MYLIP: variants seen among roughly 807,000 people sequenced by gnomAD.
MYLIP encodes E3 ubiquitin-protein ligase MYLIP.
Under a neutral mutation model 45.8 loss-of-function variants are expected in MYLIP, and 26 were observed. The observed-to-expected ratio is 0.57, with a 90% CI of 0.42 to 0.79. The LOEUF (loss-of-function observed/expected upper bound fraction) is 0.79, where lower values mean the gene tolerates loss of function less well. MYLIP is among the 30% of genes least tolerant of loss of function. The pLI, the probability that MYLIP is intolerant of heterozygous loss-of-function variation, is 0.00. For missense variants in MYLIP, 494 were observed against 555.6 expected, an observed-to-expected ratio of 0.89 and a Z score of 1.11; for synonymous variants, 213 against 218.1, an observed-to-expected ratio of 0.98 and a Z score of 0.21.
the MYLIP span, among the ~76,000 whole-genome samples, chr6:16,160,401 C>G: frequency 6.6e-6 from 1 of 151,904 alleles, no homozygotes; most frequent in African/African-American, 2.4e-5. Context: ...ACCTTCCCAG[C>G]CTCATAGGGA....
chr6:16,146,605 A>T, intron 6 of MYLIP, 57 bp from the exon 7 acceptor site: 1 of 1,408,304 alleles, frequency 7.1e-7, no homozygotes. Flanking sequence ...GCACAGAGAC[A>T]CAGGCCCCCC....
At chr6:16,152,312 C>T (rs12665308), downstream of MYLIP, among the ~76,000 whole-genome samples, 28,277 of 152,170 alleles carry the variant, frequency 0.19, 2,808 homozygotes, top group South Asian at 0.28. Context: ...ATTAATTCAG[C>T]AAGTGCACAT....
intron 3 of MYLIP, 147 bp from the exon 4 acceptor site, chr6:16,142,873 C>CT: frequency 1.2e-6 from 1 of 827,202 alleles, no homozygotes; most frequent in South Asian, 1.8e-5. Context: ...AGTAAGTTCG[C>CT]TAAATACATG....
the MYLIP span, among the ~76,000 whole-genome samples, chr6:16,154,357 C>T: frequency 8.0e-4 from 122 of 152,240 alleles, no homozygotes; most frequent in Non-Finnish European, 1.5e-3. Flanking sequence ...AGTCCCTGAG[C>T]GGGTGGTTCT....
the MYLIP span, among the ~76,000 whole-genome samples, chr6:16,153,886 A>T: frequency 5.9e-5 from 9 of 152,208 alleles, 1 homozygote; most frequent in Admixed American, 4.6e-4. Context: ...TTTAGATATT[A>T]TATAGGCTCT....
At chr6:16,132,904 A>AT (rs991425832) in intron 2 of MYLIP, among the ~76,000 whole-genome samples, 16 of 152,202 alleles carry the variant, frequency 1.1e-4, no homozygotes, top group Non-Finnish European at 1.6e-4. Flanking sequence ...ATGAAAGGTG[A>AT]TTTTTTTATT....
intron 2 of MYLIP, among the ~76,000 whole-genome samples, chr6:16,136,204 T>A (rs1164894522): frequency 6.6e-6 from 1 of 152,174 alleles, no homozygotes; most frequent in African/African-American, 2.4e-5. Flanking sequence ...GAAAGTTCCC[T>A]GAAGCCCTTC....
chr6:16,132,362 A>G (rs887995859), intron 2 of MYLIP, among the ~76,000 whole-genome samples: 6 of 152,208 alleles, frequency 3.9e-5, no homozygotes, highest in African/African-American at 1.4e-4. Flanking sequence ...GAGACATTTT[A>G]TGAATTAGAA....
At chr6:16,143,949 G>A in intron 5 of MYLIP, 86 bp downstream of exon 5, 1 of 1,454,956 alleles carries the variant, frequency 6.9e-7, no homozygotes. Flanking sequence ...TCCTTGGATT[G>A]TTGTGTCAAT....
downstream of MYLIP, among the ~76,000 whole-genome samples, chr6:16,152,446 G>A (rs536783212): frequency 3.6e-4 from 55 of 152,278 alleles, no homozygotes; most frequent in African/African-American, 1.1e-3. Context: ...GTCACAATGC[G>A]GGTAGGTGAC....
chr6:16,161,770 C>T, the MYLIP span, among the ~76,000 whole-genome samples: 3 of 152,100 alleles, frequency 2.0e-5, no homozygotes, highest in African/African-American at 7.2e-5. Flanking sequence ...CTTATATTAT[C>T]CGTACAATTT....
chr6:16,137,677 T>A (rs1170414337), intron 2 of MYLIP, among the ~76,000 whole-genome samples: 3 of 152,140 alleles, frequency 2.0e-5, no homozygotes. Flanking sequence ...TCCTAGATAA[T>A]TGCTTTATGA....
At chr6:16,156,073 C>T in the MYLIP span, among the ~76,000 whole-genome samples, 15 of 152,194 alleles carry the variant, frequency 9.9e-5, no homozygotes, top group Admixed American at 9.8e-4. Context: ...CAAGCCGTCC[C>T]TCTGAAGTCA....
downstream of MYLIP, among the ~76,000 whole-genome samples, chr6:16,148,737 C>T (rs1190749021): frequency 1.1e-4 from 16 of 152,206 alleles, 1 homozygote; most frequent in African/African-American, 3.9e-4. Flanking sequence ...GCAGTAAGGG[C>T]CTCGGGCTAC....
chr6:16,157,440 T>C, the MYLIP span, among the ~76,000 whole-genome samples: 1 of 152,266 alleles, frequency 6.6e-6, no homozygotes, highest in Non-Finnish European at 1.5e-5. Flanking sequence ...ATGTATTTTT[T>C]ATTGTCTGTC....
rs1451040232 is a variant in MYLIP at position 16,143,077 on chromosome 6, A to G, written c.522A>G (p.Gln174=). The G allele has an allele frequency of 3.1e-6, 5 of 1,614,210 alleles. No individual in the cohort carries two copies. The highest frequency in any genetic ancestry group is 2.7e-5 in the African/African-American group (2 of 75,062). Residue 174 remains glutamine, a synonymous_variant, in exon 4 of 7, where the codon CAA becomes CAG. Transcript: ENST00000356840. ...CCAGCCAGGCTTCAGCTGAATACCA[A>G]GTTTTGCAGATTGTGTCGGCAATGG... ...EGTSQASAEY[Q]VLQIVSAMEN...
intron 2 of MYLIP, among the ~76,000 whole-genome samples, chr6:16,137,543 G>T (rs1426107375): frequency 6.6e-6 from 1 of 152,166 alleles, no homozygotes; most frequent in African/African-American, 2.4e-5. Flanking sequence ...TTTTACATTT[G>T]TCATTAAAAG....
Position 16,130,548 on chromosome 6 carries a change from T to G in MYLIP, c.88-9T>G. ...TTGCTCATCCAGGCTGCATTCCTTT[T>G]TGTTTTAGGTGTGCAGGCGACTGGG... On this transcript the variant is annotated splice_polypyrimidine_tract_variant and intron_variant, in intron 1 of 6. Transcript: ENST00000356840. 3 of 1,612,938 alleles carry G rather than the reference T, an allele frequency of 1.9e-6. No homozygotes were observed. Among genetic ancestry groups the G allele is most frequent in the Non-Finnish European group, 2.5e-6 (3 of 1,179,304 alleles).
intron 6 of MYLIP, among the ~76,000 whole-genome samples, chr6:16,146,204 C>T (rs77832768): frequency 0.026 from 3,946 of 152,310 alleles, 72 homozygotes; most frequent in East Asian, 0.048. Context: ...CTGCCACCTA[C>T]GGCTAGAAGC....
Sources: allele counts gnomAD v4.1 joint callset (sites outside exome capture counted in the v4.1 genomes callset), GRCh38; gene constraint gnomAD v4.1.1; transcripts MANE v1.5; gene names NCBI Gene and HGNC (gene_info 2026-07-23, HGNC 2026-07-21).